TRRAP: variants seen among roughly 807,000 people sequenced by gnomAD.
TRRAP encodes transformation/transcription domain associated protein, also known as transformation/transcription domain-associated protein.
TRRAP carries 41 observed loss-of-function variants against 438.8 expected under a neutral mutation model. The observed-to-expected ratio is 0.09, with a 90% CI of 0.07 to 0.12. TRRAP has a LOEUF of 0.12. Among genes scored for constraint, TRRAP ranks in the 10% least tolerant of loss-of-function variants. TRRAP has a pLI of 1.00. For missense variants in TRRAP, 3,122 were observed against 5,055.1 expected, an observed-to-expected ratio of 0.62 and a Z score of 11.60; for synonymous variants, 1,994 against 1,962.9, an observed-to-expected ratio of 1.02 and a Z score of -0.42.
At chr7:98,967,962 A>G (rs1269634971) in intron 51 of TRRAP, among the ~76,000 whole-genome samples, 1 of 152,190 alleles carries the variant, frequency 6.6e-6, no homozygotes, top group East Asian at 1.9e-4. Context: ...AATATAAAAA[A>G]GTTTGAATTC....
At chr7:98,995,731 C>A (rs888078379) in intron 67 of TRRAP, among the ~76,000 whole-genome samples, 1 of 149,830 alleles carries the variant, frequency 6.7e-6, no homozygotes, top group Non-Finnish European at 1.5e-5. Context: ...TACGCACCCA[C>A]GTCCCGTCCA....
At chr7:98,905,083 A>G (rs1330438651) in intron 12 of TRRAP, among the ~76,000 whole-genome samples, 1 of 152,022 alleles carries the variant, frequency 6.6e-6, no homozygotes, top group Non-Finnish European at 1.5e-5. Context: ...TTCATCTCCT[A>G]TCACTCCTCC....
chr7:98,958,874 C>G (rs2116652284), intron 44 of TRRAP, among the ~76,000 whole-genome samples: 1 of 152,216 alleles, frequency 6.6e-6, no homozygotes, highest in Middle Eastern at 3.4e-3. Flanking sequence ...CAATCTATAT[C>G]TTAATAGAAT....
chr7:98,879,019 C>A (rs1208164388), intron 1 of TRRAP, among the ~76,000 whole-genome samples: 3 of 151,844 alleles, frequency 2.0e-5, no homozygotes, highest in Non-Finnish European at 4.4e-5. Context: ...CCCCGGCCAA[C>A]CTGGCACCTC....
At chr7:98,983,879 A>G (rs1793044018) in intron 60 of TRRAP, among the ~76,000 whole-genome samples, 1 of 152,106 alleles carries the variant, frequency 6.6e-6, no homozygotes, top group Non-Finnish European at 1.5e-5. Flanking sequence ...TCATTTTATG[A>G]TTTGGTTAGC....
chr7:98,948,712 G>A lies in TRRAP; in HGVS notation c.4788+27G>A. On this transcript the variant is annotated intron_variant, in intron 35 of 72. Transcript: ENST00000456197. This position sits in a 1 kb window ranked among gnomAD's most constrained non-coding sequence, Gnocchi z 4.9. ...TAAGAGCTGTGAGCAGCTGGAGTCA[G>A]GGGTCCCTTCAAATGCTTGTGAGCT... The A allele has an allele frequency of 1.2e-6, 2 of 1,613,944 alleles. No homozygotes were observed. Among genetic ancestry groups the A allele is most frequent in the East Asian group, 2.2e-5 (1 of 44,884 alleles).
rs150341749 is a variant in TRRAP at position 98,897,773 on chromosome 7, C to T, written c.540C>T (p.Pro180=). Residue 180 remains proline, a synonymous_variant, in exon 8 of 73, where the codon CCC becomes CCT. Coordinates refer to ENST00000456197, the MANE Select transcript of TRRAP (RefSeq NM_001375524.1). ...NRYFENPQVI[P]ENTVPPPEMV... ...ACTTTGAGAACCCTCAAGTGATCCC[C>T]GAGAACACAGTGCCTCCCCCAGAAA... 8 of 1,613,666 alleles carry T rather than the reference C, an allele frequency of 5.0e-6. No homozygotes were observed. The highest frequency in any genetic ancestry group is 2.2e-5 in the East Asian group (1 of 44,894).
Position 98,929,991 on chromosome 7 carries a change from C to T in TRRAP, c.3178C>T (p.Pro1060Ser), listed in dbSNP as rs782485706. The T allele has an allele frequency of 6.2e-7, 1 of 1,614,044 alleles. No individual in the cohort carries two copies. The highest frequency in any genetic ancestry group is 8.5e-7 in the Non-Finnish European group (1 of 1,180,002). ...TGCCTTCCCATCTCTCCTTTTAGGC[C>T]CTTTCTTGCTGCCTTGCTACCAGGT... ...TMVAVAQQCG[P>S]FLLPCYQVGS... is the part of the protein sequence containing the mutation. Residue 1060 changes from proline (P) to serine (S), a missense_variant and splice_region_variant, in exon 24 of 73, where the codon CCT (proline) becomes TCT (serine). This residue lies in a region of TRRAP where 54 missense variants were observed against 74.6 expected (regional missense o/e 0.72). Coordinates refer to ENST00000456197, the MANE Select transcript of TRRAP (RefSeq NM_001375524.1).
In TRRAP at chr7:98,953,235, G is replaced by A. The variant is rs781886929; in HGVS notation, c.5532G>A (p.Thr1844=). The change falls in exon 40 of 73, where the codon ACG becomes ACA. Residue 1844 remains threonine (T), a synonymous_variant. Coordinates refer to ENST00000456197, the MANE Select transcript of TRRAP (RefSeq NM_001375524.1). ...SLRIYLLQYA[T]LLVEHAPHHI... is the part of the protein sequence containing the mutation. ...GGATCTACCTGCTGCAGTACGCCAC[G>A]CTGCTGGTGGAGCACGCCCCCCACC... 11 of 1,613,050 alleles carry A rather than the reference G, an allele frequency of 6.8e-6. No individual in the cohort carries two copies. The highest frequency in any genetic ancestry group is 9.3e-6 in the Non-Finnish European group (11 of 1,179,950).
At chr7:98,913,648 T>C (rs1352774537) in intron 18 of TRRAP, among the ~76,000 whole-genome samples, 4 of 152,216 alleles carry the variant, frequency 2.6e-5, no homozygotes, top group Non-Finnish European at 4.4e-5. Context: ...AATGACACAT[T>C]TCAGGACTAT....
At chr7:98,936,681 G>T (rs1333090309) in intron 28 of TRRAP, among the ~76,000 whole-genome samples, 1 of 152,162 alleles carries the variant, frequency 6.6e-6, no homozygotes, top group Non-Finnish European at 1.5e-5. Flanking sequence ...CCTGGATCCA[G>T]CCACCCCATT....
chr7:98,884,884 A>G (rs1244585081), intron 3 of TRRAP, among the ~76,000 whole-genome samples: 1 of 151,648 alleles, frequency 6.6e-6, no homozygotes, highest in African/African-American at 2.4e-5. Context: ...CTAATCCAAC[A>G]CCTGAAAAAA....
In TRRAP at chr7:98,885,319, C is replaced by T. The variant is rs193038658; in HGVS notation, c.150+3295C>T. Among the ~76,000 whole-genome samples the T allele has an allele frequency of 3.3e-3, 502 of 151,814 alleles. 2 individuals carry two copies. The highest frequency in any genetic ancestry group is 0.011 in the African/African-American group (467 of 41,380). ...AGTCTGGTTGAACTCTGGGCTCAAG[C>T]GATCCTCCTGCTTTGGCTTCCCAAG... On this transcript the variant is annotated intron_variant, in intron 3 of 72. Transcript: ENST00000456197.
chr7:98,903,636 G>C, intron 12 of TRRAP, 119 bp downstream of exon 12: 1 of 1,407,592 alleles, frequency 7.1e-7, no homozygotes, highest in South Asian at 1.3e-5. Flanking sequence ...TTCCTTCATT[G>C]CTGTCTTGGG....
chr7:99,007,549 A>G (rs1174170542), intron 69 of TRRAP, among the ~76,000 whole-genome samples: 1 of 151,498 alleles, frequency 6.6e-6, no homozygotes, highest in Non-Finnish European at 1.5e-5. Flanking sequence ...GGGTTTTGCC[A>G]TGTTGGCCAG....
At chr7:98,966,984 T>C (rs749207751) in intron 49 of TRRAP, 57 bp from the exon 50 acceptor site, 8 of 1,562,966 alleles carry the variant, frequency 5.1e-6, no homozygotes, top group Non-Finnish European at 6.9e-6. Flanking sequence ...GCTTAAAAAA[T>C]ACTAGAGCAG....
intron 33 of TRRAP, among the ~76,000 whole-genome samples, chr7:98,946,500 A>G (rs1791069631): frequency 6.6e-6 from 1 of 151,592 alleles, no homozygotes; most frequent in African/African-American, 2.4e-5. Context: ...ACATGCACAC[A>G]CACCACACAT....
chr7:98,993,422 G>A, intron 65 of TRRAP, 116 bp from the exon 66 acceptor site: 1 of 1,131,736 alleles, frequency 8.8e-7, no homozygotes, highest in Non-Finnish European at 1.2e-6. Flanking sequence ...CGGTCTTGTA[G>A]GGATTCACAC....
chr7:98,927,022 G>A lies in TRRAP; in HGVS notation c.2976-145G>A, dbSNP rs1490306928. 7.9e-6 allele frequency: 7 copies of A among 889,070 alleles called. No individual in the cohort carries two copies. In the South Asian group the frequency reaches 1.1e-4, roughly 13 times the overall value. The allele number at this position is 889,070 out of a possible 1,614,324, so 55.1% of individuals were successfully genotyped here. On this transcript the variant is annotated intron_variant, in intron 22 of 72. Coordinates refer to ENST00000456197, the MANE Select transcript of TRRAP (RefSeq NM_001375524.1). ...TGACAGAGCGAGACTCCATCCAGGT[G>A]TTGCTGAAATTAAAGCAGATAAATT...
Sources: allele counts gnomAD v4.1 joint callset (sites outside exome capture counted in the v4.1 genomes callset), GRCh38; gene constraint gnomAD v4.1.1; regional missense constraint gnomAD v4.1.1; non-coding constraint Gnocchi (gnomAD v3.1); transcripts MANE v1.5; gene names NCBI Gene and HGNC (gene_info 2026-07-23, HGNC 2026-07-21).